Variants in WDR37 observed in about 807,000 individuals in gnomAD.
WDR37 encodes the protein WD repeat domain 37, also known as WD repeat-containing protein 37.
Under a neutral mutation model 62.9 loss-of-function variants are expected in WDR37, and 19 were observed. The observed-to-expected ratio is 0.30, with a 90% confidence interval of 0.21 to 0.44. WDR37 has a LOEUF of 0.44. Ranked by LOEUF, WDR37 falls within the 20% of genes least tolerant of loss-of-function variation. The probability of loss-of-function intolerance (pLI) is 1.00; values close to 1 mark genes in which losing one functional copy is unlikely to be tolerated. For missense variants in WDR37, 474 were observed against 657.6 expected (o/e 0.72, Z 3.05); for synonymous variants, 250 against 260.9 (o/e 0.96, Z 0.40).
chr10:1,073,661 T>A (rs1355005812), intron 2 of WDR37, among the ~76,000 whole-genome samples: 2 of 152,168 alleles, frequency 1.3e-5, no homozygotes, highest in Non-Finnish European at 2.9e-5. Context: ...AGACATTTAT[T>A]TTCTCATGGT....
At chr10:1,091,980 A>G (rs551041028) in intron 7 of WDR37, among the ~76,000 whole-genome samples, 1 of 151,202 alleles carries the variant, frequency 6.6e-6, no homozygotes, top group South Asian at 2.1e-4. Context: ...GGAGATTGAG[A>G]CCATCTTGGC....
In WDR37 at chr10:1,121,756, C is replaced by T. The variant is rs1835588149; in HGVS notation, c.1104-2462C>T. 6.6e-6 allele frequency among the ~76,000 whole-genome samples: 1 copy of T among 152,210 alleles called. No individual in the cohort carries two copies. The highest frequency in any genetic ancestry group is 6.5e-5 in the Admixed American group (1 of 15,280). On this transcript the variant is annotated intron_variant, in intron 11 of 13. Coordinates refer to ENST00000263150, the MANE Select transcript of WDR37 (RefSeq NM_014023.4). The surrounding 1 kb of genome is among the most constrained non-coding windows in gnomAD (Gnocchi z 4.5). ...ACCACAGGGAAGGGCCCCGACCAGA[C>T]ATCAGGTCCTAGCGGGGGAATAAGT...
chr10:1,126,349 T>G (rs1390301859), intron 13 of WDR37, among the ~76,000 whole-genome samples: 5 of 148,040 alleles, frequency 3.4e-5, no homozygotes, highest in Admixed American at 6.7e-5. Flanking sequence ...GAGCTTGCAG[T>G]GAGCTGAGAT....
At chr10:1,098,498 T>G (rs1293401953) in intron 9 of WDR37, among the ~76,000 whole-genome samples, 2 of 152,106 alleles carry the variant, frequency 1.3e-5, no homozygotes, top group African/African-American at 2.4e-5. Context: ...CAACTAATTT[T>G]TGTATTTTTA....
At chr10:1,117,095 C>T (rs1399847665) in intron 11 of WDR37, among the ~76,000 whole-genome samples, 1 of 152,154 alleles carries the variant, frequency 6.6e-6, no homozygotes, top group Non-Finnish European at 1.5e-5. Flanking sequence ...CACCCTCTCG[C>T]CTAGGCTGGA....
chr10:1,064,583 C>CTTTTTTTTTTTTTTTTT (rs71376884), intron 1 of WDR37, among the ~76,000 whole-genome samples: 2 of 70,464 alleles, frequency 2.8e-5, no homozygotes, highest in African/African-American at 6.0e-5. Context: ...GACAATGGAT[C>CTTTTTTTTTTTTTTTTT]TTTTTTTTTT....
chr10:1,131,338 A>G lies in WDR37; in HGVS notation c.*1994A>G, dbSNP rs1835942842. The stretch of plus-strand genomic sequence containing the variant: ...GTCTGGGTGTCTTAGGATGATGGTT[A>G]GGAACATTGAAAAATGGCTGCAAAT... On this transcript the variant is annotated 3_prime_UTR_variant, in exon 14 of 14. Transcript: ENST00000263150. 6.6e-6 allele frequency: 1 copy of G among 152,284 alleles called. No homozygotes were observed. Among genetic ancestry groups the G allele is most frequent in the Admixed American group, 6.5e-5 (1 of 15,288 alleles). 9.4% of individuals were successfully genotyped at this position (152,284 alleles called of 1,614,324 possible).
intron 1 of WDR37, among the ~76,000 whole-genome samples, chr10:1,065,548 T>A (rs976633463): frequency 5.3e-5 from 8 of 151,864 alleles, no homozygotes; most frequent in African/African-American, 1.7e-4. Flanking sequence ...GTTGGATCAA[T>A]GTTTGAAAGT....
intron 7 of WDR37, among the ~76,000 whole-genome samples, chr10:1,088,257 C>T (rs906755604): frequency 5.9e-5 from 9 of 152,196 alleles, no homozygotes; most frequent in Non-Finnish European, 1.3e-4. Flanking sequence ...CTCTTACTTT[C>T]CTTCGAGAAC....
chr10:1,103,500 C>A lies in WDR37; in HGVS notation c.727-102C>A. 8.0e-7 allele frequency: 1 copy of A among 1,253,802 alleles called. No homozygotes were observed. Among genetic ancestry groups the A allele is most frequent in the Non-Finnish European group, 1.1e-6 (1 of 898,128 alleles). 77.7% of individuals were successfully genotyped at this position (1,253,802 alleles called of 1,614,324 possible). A position where few individuals can be genotyped will look rare whatever the true frequency, so the allele number is the denominator to read the frequency against. On this transcript the variant is annotated intron_variant, in intron 9 of 13. Coordinates refer to ENST00000263150, the MANE Select transcript of WDR37 (RefSeq NM_014023.4). This position sits in a 1 kb window ranked among gnomAD's most constrained non-coding sequence, Gnocchi z 6.3. ...GTGGTGACCATCATGATGGATATGT[C>A]CTCAAGAGATTAATGAGAACCATCT...
rs1835909340 is a variant in WDR37, at chr10:1,129,407, T to C, written c.*63T>C. On this transcript the variant is annotated 3_prime_UTR_variant, in exon 14 of 14. Coordinates refer to ENST00000263150, the MANE Select transcript of WDR37 (RefSeq NM_014023.4). The stretch of plus-strand genomic sequence containing the variant: ...CAGACCTTTGATGGGTGCAGGCTTT[T>C]CTGCGTATTAATCAGCCATTTTTGT... The C allele has an allele frequency of 1.3e-6, 2 of 1,598,202 alleles. No individual in the cohort carries two copies. Among genetic ancestry groups the C allele is most frequent in the Admixed American group, 3.4e-5 (2 of 59,106 alleles).
At chr10:1,092,459 C>T (rs995616645) in intron 7 of WDR37, among the ~76,000 whole-genome samples, 2 of 151,558 alleles carry the variant, frequency 1.3e-5, no homozygotes, top group Non-Finnish European at 3.0e-5. Context: ...AAGCTCTGCC[C>T]CCCTGGGTTC....
intron 5 of WDR37, among the ~76,000 whole-genome samples, chr10:1,083,264 T>G (rs1421223908): frequency 6.6e-6 from 1 of 152,232 alleles, no homozygotes; most frequent in African/African-American, 2.4e-5. Flanking sequence ...ACAAGTGCTT[T>G]TGCAATTCCT....
chr10:1,099,900 G>A (rs1834735830), intron 9 of WDR37, among the ~76,000 whole-genome samples: 1 of 129,058 alleles, frequency 7.7e-6, no homozygotes, highest in South Asian at 2.7e-4. Context: ...GCGTGGTGGA[G>A]TGGTGGAGAG....
intron 11 of WDR37, among the ~76,000 whole-genome samples, chr10:1,119,249 C>T (rs1421027096): frequency 6.6e-6 from 1 of 152,224 alleles, no homozygotes. Flanking sequence ...AGCAAGAGAA[C>T]ACAGAGCTGA....
At chr10:1,094,089 T>C (rs1436430394) in intron 8 of WDR37, among the ~76,000 whole-genome samples, 1 of 152,164 alleles carries the variant, frequency 6.6e-6, no homozygotes, top group Non-Finnish European at 1.5e-5. Context: ...GGGACATTGG[T>C]GATGATCTCG....
intron 11 of WDR37, among the ~76,000 whole-genome samples, chr10:1,123,460 T>G (rs561135323): frequency 6.6e-6 from 1 of 152,286 alleles, no homozygotes; most frequent in Non-Finnish European, 1.5e-5. Context: ...ACTTCCTGTT[T>G]CTCTGAATTT....
intron 11 of WDR37, among the ~76,000 whole-genome samples, chr10:1,119,647 C>T (rs1835510560): frequency 6.6e-6 from 1 of 152,188 alleles, no homozygotes; most frequent in East Asian, 1.9e-4. Context: ...CTGTTGTGCG[C>T]CTAACACTGC....
In WDR37 at chr10:1,056,979, C is replaced by G. The variant is rs1303033632; in HGVS notation, c.-41+11C>G. 1 of 152,678 alleles carries G rather than the reference C, an allele frequency of 6.5e-6. No homozygotes were observed. The highest frequency in any genetic ancestry group is 2.4e-5 in the African/African-American group (1 of 41,432). 9.5% of individuals were successfully genotyped at this position (152,678 alleles called of 1,614,324 possible). On this transcript the variant is annotated intron_variant, in intron 1 of 13. Coordinates refer to ENST00000263150, the MANE Select transcript of WDR37 (RefSeq NM_014023.4). ...CAGCTGCTGTGACAGGTGAGTGCCG[C>G]CATCTTCCTACCTGTCAGGCGCCGA...
Sources: gnomAD v4.1 joint callset for allele counts (sites outside exome capture counted in the v4.1 genomes callset) on GRCh38, gnomAD v4.1.1 for gene constraint, Gnocchi (gnomAD v3.1) non-coding constraint, MANE v1.5 for transcripts, NCBI Gene and HGNC (gene_info 2026-07-23, HGNC 2026-07-21) for gene names.